Variants in UNC5C observed in about 807,000 individuals in gnomAD.
UNC5C encodes the protein netrin receptor UNC5C.
In UNC5C, 47 loss-of-function variants were observed where a neutral mutation model predicts 99.8. That is an observed-to-expected ratio of 0.47 (90% CI 0.37 to 0.60). The LOEUF is 0.60. Among genes scored for constraint, UNC5C ranks in the 20% least tolerant of loss-of-function variants. The probability of loss-of-function intolerance (pLI) is 0.00; values close to 1 mark genes in which losing one functional copy is unlikely to be tolerated. For missense variants in UNC5C, 1,062 were observed against 1,165.9 expected, an observed-to-expected ratio of 0.91 and a Z score of 1.30; for synonymous variants, 487 against 452.2, an observed-to-expected ratio of 1.08 and a Z score of -0.98.
At chr4:95,536,681 T>C (rs1457481286) in intron 1 of UNC5C, among the ~76,000 whole-genome samples, 1 of 152,136 alleles carries the variant, frequency 6.6e-6, no homozygotes, top group East Asian at 1.9e-4. Flanking sequence ...GAAAAACATA[T>C]GGAAAATAGT....
intron 1 of UNC5C, among the ~76,000 whole-genome samples, chr4:95,382,585 T>G (rs1382666825): frequency 6.6e-6 from 1 of 152,142 alleles, no homozygotes; most frequent in South Asian, 2.1e-4. Context: ...TGAGAAATAT[T>G]AATATATGAG....
intron 2 of UNC5C, among the ~76,000 whole-genome samples, chr4:95,325,276 T>C (rs372724520): frequency 4.9e-4 from 74 of 152,132 alleles, no homozygotes; most frequent in Non-Finnish European, 5.3e-4. Flanking sequence ...GGAAAAACCA[T>C]TTGAACGCTT....
intron 1 of UNC5C, among the ~76,000 whole-genome samples, chr4:95,399,525 C>G (rs1302110821): frequency 6.6e-6 from 1 of 152,132 alleles, no homozygotes; most frequent in Non-Finnish European, 1.5e-5. Flanking sequence ...GCCTGAATCC[C>G]CTTCCTATCT....
chr4:95,353,846 G>C (rs1318028651), intron 1 of UNC5C, among the ~76,000 whole-genome samples: 2 of 151,968 alleles, frequency 1.3e-5, no homozygotes, highest in Non-Finnish European at 2.9e-5. Flanking sequence ...TCTAATTTAA[G>C]ATTTTCTTTA....
chr4:95,516,507 A>G (rs75322054), intron 1 of UNC5C, among the ~76,000 whole-genome samples: 1,844 of 152,278 alleles, frequency 0.012, 9 homozygotes, highest in Admixed American at 0.015. Flanking sequence ...CAAAGACCAA[A>G]TTCCCTGTTT....
chr4:95,498,312 T>C (rs1272864995), intron 1 of UNC5C, among the ~76,000 whole-genome samples: 1 of 152,008 alleles, frequency 6.6e-6, no homozygotes, highest in East Asian at 1.9e-4. Flanking sequence ...TCTTATTTTC[T>C]AGCCTCAAAT....
chr4:95,380,741 C>A (rs1229310357), intron 1 of UNC5C, among the ~76,000 whole-genome samples: 2 of 152,164 alleles, frequency 1.3e-5, no homozygotes, highest in African/African-American at 4.8e-5. Context: ...ACGTGCTGGA[C>A]TAAAACCTTA....
intron 1 of UNC5C, among the ~76,000 whole-genome samples, chr4:95,357,134 TG>T (rs1247162647): frequency 5.5e-4 from 54 of 98,888 alleles, no homozygotes; most frequent in Middle Eastern, 9.5e-3. Flanking sequence ...TCCTTTTTTT[TG>T]TTTTTTTTTT....
chr4:95,369,535 G>T (rs1744683203), intron 1 of UNC5C, among the ~76,000 whole-genome samples: 1 of 152,024 alleles, frequency 6.6e-6, no homozygotes, highest in African/African-American at 2.4e-5. Context: ...CAAGCTGAAC[G>T]ACAAAGTGAG....
chr4:95,172,175 C>T (rs1736146840), intron 14 of UNC5C, among the ~76,000 whole-genome samples: 1 of 149,830 alleles, frequency 6.7e-6, no homozygotes, highest in South Asian at 2.2e-4. Context: ...AAAATTTTCT[C>T]CCATTTTGTA....
intron 5 of UNC5C, among the ~76,000 whole-genome samples, chr4:95,247,431 G>A (rs971938475): frequency 1.2e-4 from 19 of 152,262 alleles, no homozygotes; most frequent in African/African-American, 4.3e-4. Flanking sequence ...GGAATTGTCT[G>A]TATAAACTGC....
At chr4:95,258,093 C>T (rs1361690299) in intron 4 of UNC5C, among the ~76,000 whole-genome samples, 1 of 152,126 alleles carries the variant, frequency 6.6e-6, no homozygotes, top group East Asian at 1.9e-4. Flanking sequence ...AACATTCTTC[C>T]ATGTGAAACA....
chr4:95,206,225 T>A (rs184309000), intron 11 of UNC5C, among the ~76,000 whole-genome samples: 1 of 151,948 alleles, frequency 6.6e-6, no homozygotes, highest in East Asian at 1.9e-4. Context: ...GGTCTCAAAC[T>A]CCTGACCTCA....
intron 1 of UNC5C, among the ~76,000 whole-genome samples, chr4:95,519,296 C>A (rs1317497429): frequency 6.6e-6 from 1 of 152,044 alleles, no homozygotes; most frequent in East Asian, 1.9e-4. Context: ...CTTGAAGACC[C>A]CAGAGGAATA....
intron 1 of UNC5C, among the ~76,000 whole-genome samples, chr4:95,536,061 C>CATATATATAT (rs58901868): frequency 7.8e-5 from 11 of 140,832 alleles, no homozygotes; most frequent in East Asian, 6.2e-4. Context: ...TACATACATA[C>CATATATATAT]ATATATATAT....
chr4:95,310,807 G>A (rs1037449814), intron 2 of UNC5C, among the ~76,000 whole-genome samples: 4 of 145,874 alleles, frequency 2.7e-5, no homozygotes, highest in African/African-American at 4.9e-5. Context: ...AACTGGGTTG[G>A]GGGGGGATTT....
chr4:95,315,263 T>C (rs1742430900), intron 2 of UNC5C, among the ~76,000 whole-genome samples: 1 of 152,150 alleles, frequency 6.6e-6, no homozygotes. Context: ...ACTCCCAAGA[T>C]GGAATGGCTG....
chr4:95,343,872 T>C (rs1429083585), intron 1 of UNC5C, among the ~76,000 whole-genome samples: 1 of 151,998 alleles, frequency 6.6e-6, no homozygotes, highest in Non-Finnish European at 1.5e-5. Flanking sequence ...AGTCGGGTTA[T>C]TTGAAAGTAC....
At chr4:95,407,993 C>T (rs2149450718) in intron 1 of UNC5C, among the ~76,000 whole-genome samples, 1 of 152,178 alleles carries the variant, frequency 6.6e-6, no homozygotes, top group South Asian at 2.1e-4. Context: ...GGTTGCTCAG[C>T]AGTTAGTAAG....
Sources: gnomAD v4.1 joint callset for allele counts (sites outside exome capture counted in the v4.1 genomes callset) on GRCh38, gnomAD v4.1.1 for gene constraint, MANE v1.5 for transcripts, NCBI Gene and HGNC (gene_info 2026-07-23, HGNC 2026-07-21) for gene names.